Variants in MTX2 observed in about 807,000 individuals in gnomAD.
MTX2 encodes the protein metaxin 2.
In MTX2, 35 loss-of-function variants were observed where a neutral mutation model predicts 42.3. The ratio of observed to expected loss-of-function variants is 0.83; its 90% CI spans 0.63 to 1.10. The LOEUF is 1.10. Ranked by LOEUF, MTX2 falls within the 50% of genes least tolerant of loss-of-function variation. The pLI, the probability that MTX2 is intolerant of heterozygous loss-of-function variation, is 0.00. For synonymous variants in MTX2, 119 were observed against 100.9 expected, an observed-to-expected ratio of 1.18 and a Z score of -1.08; for missense variants, 307 against 304.1, an observed-to-expected ratio of 1.01 and a Z score of -0.07.
intron 8 of MTX2, 99 bp downstream of exon 8, chr2:176,329,525 G>T (rs1456320988): frequency 1.0e-5 from 12 of 1,177,002 alleles, no homozygotes; most frequent in Non-Finnish European, 1.2e-5. Flanking sequence ...TATAAGATTT[G>T]CAAGAAAACC....
chr2:176,306,425 A>G (rs1180851671), intron 3 of MTX2, among the ~76,000 whole-genome samples: 5 of 152,232 alleles, frequency 3.3e-5, no homozygotes, highest in African/African-American at 1.2e-4. Context: ...GTATATACCC[A>G]GTAATGGGAT....
chr2:176,293,811 G>T (rs755027433), intron 1 of MTX2, among the ~76,000 whole-genome samples: 3 of 152,132 alleles, frequency 2.0e-5, no homozygotes, highest in Non-Finnish European at 4.4e-5. Flanking sequence ...AATCATGTAG[G>T]TGATGCACTT....
At chr2:176,316,406 T>G (rs555359979) in intron 3 of MTX2, among the ~76,000 whole-genome samples, 2 of 152,210 alleles carry the variant, frequency 1.3e-5, no homozygotes, top group East Asian at 1.9e-4. Context: ...TATTTGTTTG[T>G]TTGGTTTTTG....
At chr2:176,325,808 A>G (rs1684694127) in intron 4 of MTX2, among the ~76,000 whole-genome samples, 1 of 151,804 alleles carries the variant, frequency 6.6e-6, no homozygotes, top group South Asian at 2.1e-4. Flanking sequence ...GAAGGAAGGA[A>G]TGCAGAATTG....
intron 1 of MTX2, among the ~76,000 whole-genome samples, chr2:176,275,533 C>G (rs1161287177): frequency 6.6e-6 from 1 of 151,884 alleles, no homozygotes; most frequent in Admixed American, 6.6e-5. Flanking sequence ...GCCACTGTGC[C>G]CGGCCTAGAA....
intron 1 of MTX2, among the ~76,000 whole-genome samples, chr2:176,281,003 A>G (rs1043969926): frequency 1.1e-4 from 16 of 152,172 alleles, no homozygotes; most frequent in African/African-American, 3.9e-4. Context: ...GACAGTGTCT[A>G]TTAAGATGGC....
chr2:176,283,356 A>G (rs1479489061), intron 1 of MTX2, among the ~76,000 whole-genome samples: 2 of 152,182 alleles, frequency 1.3e-5, no homozygotes, highest in East Asian at 1.9e-4. Flanking sequence ...TTTATCACCT[A>G]TTTGTTCATT....
At chr2:176,283,513 A>G (rs1468434887) in intron 1 of MTX2, among the ~76,000 whole-genome samples, 1 of 152,284 alleles carries the variant, frequency 6.6e-6, no homozygotes, top group Non-Finnish European at 1.5e-5. Flanking sequence ...TTCAGGTGGT[A>G]TAATAATAAG....
intron 5 of MTX2, 72 bp from the exon 6 acceptor site, chr2:176,328,217 ATTTG>A (rs1684757228): frequency 5.8e-6 from 5 of 865,306 alleles, no homozygotes; most frequent in Non-Finnish European, 8.6e-6. Flanking sequence ...ATGTTACGTT[ATTTG>A]TTAGTGAGAT....
At chr2:176,317,157 A>C (rs543673850) in intron 3 of MTX2, among the ~76,000 whole-genome samples, 3 of 151,970 alleles carry the variant, frequency 2.0e-5, no homozygotes, top group Admixed American at 2.0e-4. Context: ...TTATTTATTC[A>C]TCTGGTAATC....
chr2:176,305,186 G>A (rs1298736617), intron 3 of MTX2, among the ~76,000 whole-genome samples: 2 of 151,946 alleles, frequency 1.3e-5, no homozygotes, highest in East Asian at 1.9e-4. Context: ...CTGGTCATTG[G>A]CAAGTGTTTC....
chr2:176,276,584 T>C (rs1008806745), intron 1 of MTX2, among the ~76,000 whole-genome samples: 1 of 152,050 alleles, frequency 6.6e-6, no homozygotes, highest in Admixed American at 6.6e-5. Context: ...GGATAATATA[T>C]TTATAATGTA....
intron 3 of MTX2, 27 bp downstream of exon 3, chr2:176,297,922 T>G: frequency 6.6e-7 from 1 of 1,514,870 alleles, no homozygotes; most frequent in Non-Finnish European, 8.9e-7. Flanking sequence ...TGTAATATCT[T>G]TTTCACCCCC....
chr2:176,299,160 C>T (rs372283720), intron 3 of MTX2, among the ~76,000 whole-genome samples: 26 of 152,202 alleles, frequency 1.7e-4, no homozygotes, highest in African/African-American at 5.1e-4. Context: ...CTCGTCAAAA[C>T]GGTTGAAGGG....
intron 8 of MTX2, 138 bp from the exon 9 acceptor site, chr2:176,330,446 G>T (rs1684834255): frequency 4.3e-6 from 2 of 461,184 alleles, no homozygotes; most frequent in Non-Finnish European, 7.9e-6. Context: ...GTGGTCTATG[G>T]TCTTATTAAA....
chr2:176,271,994 C>G (rs2105390148), intron 1 of MTX2, among the ~76,000 whole-genome samples: 1 of 152,066 alleles, frequency 6.6e-6, no homozygotes, highest in Middle Eastern at 3.4e-3. Context: ...ATGGAAGCAA[C>G]CCAGGTGTTT....
intron 1 of MTX2, among the ~76,000 whole-genome samples, chr2:176,283,937 A>G (rs1336681239): frequency 6.6e-6 from 1 of 151,890 alleles, no homozygotes; most frequent in Non-Finnish European, 1.5e-5. Context: ...TTTAGTTCTG[A>G]GAAAAACTCA....
At chr2:176,330,096 T>G (rs940997877) in intron 8 of MTX2, among the ~76,000 whole-genome samples, 1 of 151,036 alleles carries the variant, frequency 6.6e-6, no homozygotes, top group South Asian at 2.1e-4. Context: ...TGAATAGGGA[T>G]AGAATAAATA....
At position 176,337,705 on chromosome 2, in the gene MTX2, G is replaced by GT; in HGVS notation, c.*45dup. The GT allele has an allele frequency of 6.8e-7, 1 of 1,467,730 alleles. No individual in the cohort carries two copies. Among genetic ancestry groups the GT allele is most frequent in the Non-Finnish European group, 9.1e-7 (1 of 1,101,492 alleles). The allele number at this position is 1,467,730 out of a possible 1,614,324, so 90.9% of individuals were successfully genotyped here. A position where few individuals can be genotyped will look rare whatever the true frequency, so the allele number is the denominator to read the frequency against. The stretch of plus-strand genomic sequence containing the variant: ...TCAGGAGTCTTAACTTTTGAAATAT[G>GT]TTTTACTTGAATGTTACATTAGATA... On this transcript the variant is annotated 3_prime_UTR_variant, in exon 10 of 10. Transcript: ENST00000249442.
Sources: allele counts gnomAD v4.1 joint callset (sites outside exome capture counted in the v4.1 genomes callset), GRCh38; gene constraint gnomAD v4.1.1; transcripts MANE v1.5; gene names NCBI Gene and HGNC (gene_info 2026-07-23, HGNC 2026-07-21).